SLC35F1: variants seen among roughly 807,000 people sequenced by gnomAD.
SLC35F1 encodes solute carrier family 35 member F1, also known as chromosome 6 open reading frame 169.
A neutral mutation model predicts 48.7 loss-of-function variants in SLC35F1; 14 were observed. The observed-to-expected ratio is 0.29, with a 90% CI of 0.19 to 0.45. SLC35F1 has a LOEUF of 0.45. SLC35F1 is among the 20% of genes least tolerant of loss of function. SLC35F1 has a pLI of 1.00. For missense variants in SLC35F1, 404 were observed against 500.0 expected, an observed-to-expected ratio of 0.81 and a Z score of 1.83; for synonymous variants, 190 against 202.2, an observed-to-expected ratio of 0.94 and a Z score of 0.51.
chr6:118,147,768 A>C (rs550719366), intron 1 of SLC35F1, among the ~76,000 whole-genome samples: 2 of 152,256 alleles, frequency 1.3e-5, no homozygotes, highest in South Asian at 4.1e-4. Context: ...GTGCCAGTAA[A>C]ACATTATGTT....
In SLC35F1 at chr6:117,981,481, G is replaced by A. The variant is rs537638435; in HGVS notation, c.173+73582G>A. On this transcript the variant is annotated intron_variant, in intron 1 of 7. Coordinates refer to ENST00000360388, the MANE Select transcript of SLC35F1 (RefSeq NM_001029858.4). Reference sequence around the variant, plus strand: ...GAGGCTTCCATGGTGTTGTCACAGTGCATGAGGGAGGATTGAGGGAGGTGA... The same window carrying A: ...GAGGCTTCCATGGTGTTGTCACAGTACATGAGGGAGGATTGAGGGAGGTGA... Among the ~76,000 whole-genome samples the A allele has an allele frequency of 3.9e-5, 6 of 152,228 alleles. No individual in the cohort carries two copies. The South Asian group carries it at 1.2e-3, about 32-fold the overall frequency.
intron 1 of SLC35F1, among the ~76,000 whole-genome samples, chr6:117,954,215 T>C (rs2114829784): frequency 6.6e-6 from 1 of 152,278 alleles, no homozygotes; most frequent in East Asian, 1.9e-4. Context: ...GTAATGAACA[T>C]GGTGAATATG....
At chr6:118,294,954 C>A (rs1341016088) in intron 7 of SLC35F1, among the ~76,000 whole-genome samples, 1 of 152,086 alleles carries the variant, frequency 6.6e-6, no homozygotes, top group African/African-American at 2.4e-5. Context: ...GTGTCTTAGT[C>A]TCATATTTAT....
At chr6:117,937,213 C>T (rs1411908231) in intron 1 of SLC35F1, among the ~76,000 whole-genome samples, 1 of 152,200 alleles carries the variant, frequency 6.6e-6, no homozygotes, top group Non-Finnish European at 1.5e-5. Flanking sequence ...GTCTGCCACA[C>T]TCTTATGGAA....
chr6:118,317,647 T>C lies in SLC35F1; in HGVS notation c.*3395T>C, dbSNP rs1562123402. 2 of 152,224 alleles carry C rather than the reference T, an allele frequency of 1.3e-5. No individual in the cohort carries two copies. Among genetic ancestry groups the C allele is most frequent in the African/African-American group, 4.8e-5 (2 of 41,466 alleles). 9.4% of individuals were successfully genotyped at this position (152,224 alleles called of 1,614,324 possible). Reference sequence around the variant, plus strand: ...GTAATGCCTGTATAATGTTTTCAAATAAAAATAAATGCTTTATGAAAGCAC... The same window carrying C: ...GTAATGCCTGTATAATGTTTTCAAACAAAAATAAATGCTTTATGAAAGCAC... On this transcript the variant is annotated 3_prime_UTR_variant, in exon 8 of 8. Coordinates refer to ENST00000360388, the MANE Select transcript of SLC35F1 (RefSeq NM_001029858.4).
chr6:117,973,084 A>T (rs2114844520), intron 1 of SLC35F1, among the ~76,000 whole-genome samples: 2 of 152,288 alleles, frequency 1.3e-5, no homozygotes, highest in South Asian at 4.2e-4. Flanking sequence ...ACAATATCTC[A>T]CAGGAGGCTG....
At chr6:117,930,989 C>A (rs1214265166) in intron 1 of SLC35F1, among the ~76,000 whole-genome samples, 1 of 152,150 alleles carries the variant, frequency 6.6e-6, no homozygotes, top group Non-Finnish European at 1.5e-5. Flanking sequence ...ACCCTTTTAG[C>A]CTCTATACCC....
At chr6:117,918,672 G>C (rs1775858000) in intron 1 of SLC35F1, among the ~76,000 whole-genome samples, 1 of 152,156 alleles carries the variant, frequency 6.6e-6, no homozygotes, top group Non-Finnish European at 1.5e-5. Flanking sequence ...TTGTGGTGGG[G>C]ATTCAGTAGA....
chr6:117,970,787 C>A (rs1645022384), intron 1 of SLC35F1, among the ~76,000 whole-genome samples: 1 of 152,150 alleles, frequency 6.6e-6, no homozygotes, highest in African/African-American at 2.4e-5. Flanking sequence ...TTCACTGTCA[C>A]AAGAACAGCA....
chr6:118,290,993 C>T (rs57583170), intron 7 of SLC35F1, among the ~76,000 whole-genome samples: 2 of 151,944 alleles, frequency 1.3e-5, no homozygotes, highest in African/African-American at 2.4e-5. Context: ...CGGATTTTCA[C>T]TATGTTGGCC....
intron 1 of SLC35F1, among the ~76,000 whole-genome samples, chr6:117,966,392 G>T (rs934351776): frequency 6.6e-6 from 1 of 151,032 alleles, no homozygotes; most frequent in Non-Finnish European, 1.5e-5. Flanking sequence ...AACACTCGCC[G>T]CGAAGATCTG....
intron 1 of SLC35F1, among the ~76,000 whole-genome samples, chr6:118,072,617 C>T (rs1772751498): frequency 6.6e-6 from 1 of 151,912 alleles, no homozygotes; most frequent in Admixed American, 6.6e-5. Context: ...CATTTTTATT[C>T]TCTTTTTTTG....
chr6:118,020,150 T>G (rs1383161340), intron 1 of SLC35F1, among the ~76,000 whole-genome samples: 3 of 152,224 alleles, frequency 2.0e-5, no homozygotes, highest in Non-Finnish European at 1.5e-5. Context: ...TTTTTAAAAG[T>G]GTTACACAAA....
At position 118,004,865 on chromosome 6, in the gene SLC35F1, TTGAG is replaced by T. The variant is rs546693327; in HGVS notation, c.173+96969_173+96972del. ...CGTACCTGGCCTCAACAAATACTTA[TTGAG>T]TGTCTGTTAGGTGCTAGAGATAGAT... On this transcript the variant is annotated intron_variant, in intron 1 of 7. Coordinates refer to ENST00000360388, the MANE Select transcript of SLC35F1 (RefSeq NM_001029858.4). 7.7e-4 allele frequency among the ~76,000 whole-genome samples: 117 copies of T among 152,114 alleles called. 1 individual carries two copies. The highest frequency in any genetic ancestry group is 2.7e-3 in the African/African-American group (114 of 41,482).
intron 1 of SLC35F1, among the ~76,000 whole-genome samples, chr6:118,140,786 G>A (rs1773877529): frequency 6.6e-6 from 1 of 151,978 alleles, no homozygotes; most frequent in Non-Finnish European, 1.5e-5. Context: ...TCCTTTGTAG[G>A]CCTAGGCTAA....
chr6:117,966,596 G>A (rs1449946161), intron 1 of SLC35F1, among the ~76,000 whole-genome samples: 1 of 152,164 alleles, frequency 6.6e-6, no homozygotes, highest in African/African-American at 2.4e-5. Context: ...CACCACGAGG[G>A]TCCGTGGCTT....
At chr6:118,236,072 T>C (rs1775361454) in intron 3 of SLC35F1, among the ~76,000 whole-genome samples, 1 of 152,208 alleles carries the variant, frequency 6.6e-6, no homozygotes, top group South Asian at 2.1e-4. Context: ...GATTAAATAA[T>C]CAAACTGCTT....
At chr6:117,949,127 A>G (rs1311124500) in intron 1 of SLC35F1, among the ~76,000 whole-genome samples, 4 of 152,170 alleles carry the variant, frequency 2.6e-5, no homozygotes, top group Non-Finnish European at 5.9e-5. Flanking sequence ...TTTTGCAGAT[A>G]TGTGTCCTGA....
intron 1 of SLC35F1, among the ~76,000 whole-genome samples, chr6:118,069,186 C>A (rs1179348792): frequency 6.6e-6 from 1 of 152,122 alleles, no homozygotes; most frequent in Non-Finnish European, 1.5e-5. Context: ...TATTAATTAA[C>A]CACCTTATTT....
Sources: gnomAD v4.1 joint callset for allele counts (sites outside exome capture counted in the v4.1 genomes callset) on GRCh38, gnomAD v4.1.1 for gene constraint, MANE v1.5 for transcripts, NCBI Gene and HGNC (gene_info 2026-07-23, HGNC 2026-07-21) for gene names.